The following TTN variants were observed in gnomAD, a reference collection of about 807,000 sequenced individuals.
The protein encoded by TTN is connectin.
In TTN, 1,525 loss-of-function variants were observed where a neutral mutation model predicts 3,223.0. That is an observed-to-expected ratio of 0.47 (90% CI 0.45 to 0.49). The LOEUF (loss-of-function observed/expected upper bound fraction) is 0.49. Ranked by LOEUF, TTN falls within the 20% of genes least tolerant of loss-of-function variation. The pLI is 0.00. For synonymous variants in TTN, 14,094 were observed against 15,161.0 expected (o/e 0.93, Z 5.17); for missense variants, 40,786 against 43,424.0 (o/e 0.94, Z 5.40).
intron 127 of TTN, among the ~76,000 whole-genome samples, chr2:178,687,278 G>C (rs976661669): frequency 3.3e-5 from 5 of 152,138 alleles, no homozygotes; most frequent in African/African-American, 1.2e-4. Flanking sequence ...ACTTTCTTAG[G>C]AAAGTTCTTT....
In TTN at chr2:178,629,351, T is replaced by A. The variant is rs536313527; in HGVS notation, c.44374A>T (p.Ile14792Phe). Residue 14792 changes from isoleucine (I) to phenylalanine (F), a missense_variant, in exon 240 of 363, where the codon ATC (isoleucine) becomes TTC (phenylalanine). By Grantham distance (21) the Ile-to-Phe change is conservative. Transcript: ENST00000589042. ...TFDCELSYED[I>F]PVEWYLKGKK... ...CCTTTGAGATACCATTCCACTGGGA[T>A]ATCTTCGTAGGAGAGCTCGCAGTCG... is the stretch of plus-strand genomic sequence containing the variant. 2 of 1,612,944 alleles carry A rather than the reference T, an allele frequency of 1.2e-6. No individual in the cohort carries two copies. The highest frequency in any genetic ancestry group is 4.5e-5 in the East Asian group (2 of 44,622).
Position 178,620,800 on chromosome 2 carries a change from G to A in TTN, c.45810C>T (p.His15270=). The A allele has an allele frequency of 1.9e-6, 3 of 1,612,762 alleles. No individual in the cohort carries two copies. Among genetic ancestry groups the A allele is most frequent in the Non-Finnish European group, 2.5e-6 (3 of 1,179,150 alleles). The change falls in exon 247 of 363, where the codon CAC becomes CAT. Residue 15270 remains histidine (H), a synonymous_variant. Coordinates refer to ENST00000589042, the MANE Select transcript of TTN (RefSeq NM_001267550.2). The stretch of plus-strand genomic sequence containing the variant: ...CATTATAGTTGGCTTGGTCATCTAA[G>A]TGTGCATCTCTAATTCTGAGGGTGT... ...LVYTLRIRDA[H]LDDQANYNVS...
rs750316973 is a variant in TTN, at chr2:178,732,197, C to A, written c.16772G>T (p.Arg5591Ile). 9.3e-6 allele frequency: 15 copies of A among 1,613,846 alleles called. No homozygotes were observed. Among genetic ancestry groups the A allele is most frequent in the East Asian group, 8.9e-5 (4 of 44,858 alleles). ...TGCAGTAGACTCCACAAAAGACATT[C>A]TGTGTTTGCTGCTCTCCTTAATTTC... ...DREIKESSKH[R>I]MSFVESTAVL... The change falls in exon 57 of 363, where the codon AGA becomes ATA. Residue 5591 changes from arginine to isoleucine, a missense_variant. Arg to Ile is a moderately conservative substitution (Grantham distance 97). Coordinates refer to ENST00000589042, the MANE Select transcript of TTN (RefSeq NM_001267550.2).
rs373723384 is a variant in TTN at position 178,718,414 on chromosome 2, A to G, written c.24692T>C (p.Leu8231Pro). The stretch of plus-strand genomic sequence containing the variant: ...TGCATAATCCTCTATTGTGCTCTCA[A>G]GAATTTCCAGTATGGTAGATTTTTC... ...MTEKSTILEI[L>P]ESTIEDYAQY... Residue 8231 changes from leucine (L) to proline (P), a missense_variant, in exon 85 of 363, where the codon CTT (leucine) becomes CCT (proline). Leu to Pro is a moderately conservative substitution (Grantham distance 98). Coordinates refer to ENST00000589042, the MANE Select transcript of TTN (RefSeq NM_001267550.2). The G allele has an allele frequency of 1.2e-6, 2 of 1,613,812 alleles. No homozygotes were observed. The highest frequency in any genetic ancestry group is 2.7e-5 in the African/African-American group (2 of 75,042).
At chr2:178,806,017 C>T (rs2094302047) in intron 1 of TTN, among the ~76,000 whole-genome samples, 1 of 152,136 alleles carries the variant, frequency 6.6e-6, no homozygotes, top group Non-Finnish European at 1.5e-5. Flanking sequence ...TTGTCAATCA[C>T]TTCATTACTA....
rs115308041 is a variant in TTN, at chr2:178,706,220, G to A, written c.29420+234C>T. ...ATGCTCAAGTCCCTGATGCAAAATG[G>A]CATAGTATTTGCATGTAACCTATGC... On this transcript the variant is annotated intron_variant, in intron 102 of 362. Transcript: ENST00000589042. Among the ~76,000 whole-genome samples, 608 of 152,302 alleles carry A rather than the reference G, an allele frequency of 4.0e-3. 3 individuals carry two copies. Among genetic ancestry groups the A allele is most frequent in the African/African-American group, 0.014 (576 of 41,576 alleles).
At position 178,576,360 on chromosome 2, in the gene TTN, A is replaced by G; in HGVS notation, c.69772T>C (p.Ser23258Pro). Residue 23258 changes from serine (S) to proline (P), a missense_variant, in exon 326 of 363, where the codon TCT becomes CCT. By Grantham distance (74) the Ser-to-Pro change is moderately conservative (BLOSUM62 -1). Coordinates refer to ENST00000589042, the MANE Select transcript of TTN (RefSeq NM_001267550.2). This position sits in a 1 kb window ranked among gnomAD's most constrained non-coding sequence, Gnocchi z 4.3. ...HVTDTTKKSA[S>P]LAWGKPHYDG... is the part of the protein sequence containing the mutation. ...TAATGAGGCTTGCCCCATGCCAAAG[A>G]AGCAGATTTCTTGGTAGTATCAGTG... is the stretch of plus-strand genomic sequence containing the variant. The G allele has an allele frequency of 1.3e-6, 2 of 1,557,798 alleles. No homozygotes were observed. Among genetic ancestry groups the G allele is most frequent in the South Asian group, 2.5e-5 (2 of 80,224 alleles).
At position 178,576,877 on chromosome 2, in the gene TTN, C is replaced by A; in HGVS notation, c.69412+46G>T. ...TTAGAAATCCATGATTTCCTAAACT[C>A]TGCTATAAATGTTTCCATGTCAATT... On this transcript the variant is annotated intron_variant, in intron 324 of 362. Coordinates refer to ENST00000589042, the MANE Select transcript of TTN (RefSeq NM_001267550.2). This position sits in a 1 kb window ranked among gnomAD's most constrained non-coding sequence, Gnocchi z 4.3. 6.2e-7 allele frequency: 1 copy of A among 1,604,076 alleles called. No homozygotes were observed. The highest frequency in any genetic ancestry group is 8.5e-7 in the Non-Finnish European group (1 of 1,177,220).
chr2:178,680,374 G>A, intron 138 of TTN, 43 bp from the exon 139 acceptor site: 1 of 1,523,376 alleles, frequency 6.6e-7, no homozygotes, highest in African/African-American at 1.4e-5. Flanking sequence ...TCAGTAAAAG[G>A]CCACCCAGCC....
At chr2:178,745,457 G>C in intron 47 of TTN, 1 of 1,493,384 alleles carries the variant, frequency 6.7e-7, no homozygotes, top group East Asian at 2.5e-5. Context: ...ATTTCTTTAG[G>C]GGTCTCCAAG....
In TTN at chr2:178,681,791, A is replaced by T. The variant is rs1560338939; in HGVS notation, c.33095-53T>A. On this transcript the variant is annotated intron_variant, in intron 135 of 362. Coordinates refer to ENST00000589042, the MANE Select transcript of TTN (RefSeq NM_001267550.2). ...TGTTAGACTTAGAATATAAGTTTAAACATTTCTTAAAAGGAATCAAATAAT... is the reference window on the plus strand; with the variant it reads ...TGTTAGACTTAGAATATAAGTTTAATCATTTCTTAAAAGGAATCAAATAAT... 1.3e-5 allele frequency: 19 copies of T among 1,421,866 alleles called. No homozygotes were observed. The South Asian group carries it at 1.6e-4, about 12-fold the overall frequency. The allele number at this position is 1,421,866 out of a possible 1,614,324, so 88.1% of individuals were successfully genotyped here.
At position 178,548,395 on chromosome 2, in the gene TTN, G is replaced by C; in HGVS notation, c.93231C>G (p.Val31077=). 6.2e-7 allele frequency: 1 copy of C among 1,613,836 alleles called. No homozygotes were observed. The highest frequency in any genetic ancestry group is 8.5e-7 in the Non-Finnish European group (1 of 1,179,808). ...ACGGAACACCTTCGGCCAGGTCATT[G>C]ACCTTGAAGATCTGACGAGTGCATT... ...SEKCTRQIFK[V]NDLAEGVPYY... The change falls in exon 339 of 363, where the codon GTC becomes GTG. Residue 31077 remains valine, a synonymous_variant. Coordinates refer to ENST00000589042, the MANE Select transcript of TTN (RefSeq NM_001267550.2). The surrounding 1 kb of genome is among the most constrained non-coding windows in gnomAD (Gnocchi z 4.3).
chr2:178,773,345 C>T lies in TTN; in HGVS notation c.7619G>A (p.Arg2540His), dbSNP rs397517725. ...VEKIKIIRGL[R>H]DLTCTETQNV... ...TTGAGTTTCTGTACAGGTAAGGTCA[C>T]GAAGACCTCTGATAATTTTAATTTC... The change falls in exon 33 of 363, where the codon CGT (arginine) becomes CAT (histidine). Residue 2540 changes from arginine to histidine, a missense_variant. Transcript: ENST00000589042. The T allele has an allele frequency of 1.2e-4, 197 of 1,613,726 alleles. 1 individual carries two copies. In the East Asian group the frequency reaches 3.1e-3, roughly 26 times the overall value.
intron 138 of TTN, 130 bp from the exon 139 acceptor site, chr2:178,680,461 C>T (rs2069119136): frequency 1.3e-6 from 1 of 761,868 alleles, no homozygotes; most frequent in Non-Finnish European, 2.2e-6. Context: ...GATTGTTCAT[C>T]TTTAAGAAAC....
rs998581111 is a variant in TTN at position 178,594,158 on chromosome 2, C to T, written c.58235G>A (p.Gly19412Asp). 5 of 1,613,322 alleles carry T rather than the reference C, an allele frequency of 3.1e-6. No homozygotes were observed. In the East Asian group the frequency reaches 1.1e-4, roughly 36 times the overall value. Residue 19412 changes from glycine (G) to aspartate (D), a missense_variant, in exon 297 of 363, where the codon GGC becomes GAC. Physicochemically the swap from Gly to Asp is moderately conservative, Grantham distance 94. Coordinates refer to ENST00000589042, the MANE Select transcript of TTN (RefSeq NM_001267550.2). ...CCAGGAAACCTTAGGCTTTGGTTTG[C>T]CTGAGTAACGGCCAGTGAGGGCAAA... is the stretch of plus-strand genomic sequence containing the variant. ...EAFALTGRYSGKPKPKVSWFK... is the reference protein window; with the variant it reads ...EAFALTGRYSDKPKPKVSWFK...
chr2:178,799,311 C>T (rs2093930393), intron 6 of TTN, 176 bp downstream of exon 6: 11 of 946,664 alleles, frequency 1.2e-5, no homozygotes, highest in Admixed American at 2.3e-5. Context: ...CAGAGGAACA[C>T]GGAGCCCCAC....
Position 178,732,943 on chromosome 2 carries a change from T to C in TTN, c.16233A>G (p.Thr5411=). Residue 5411 remains threonine, a synonymous_variant, in exon 55 of 363, where the codon ACA becomes ACG. Transcript: ENST00000589042. ...DRYRIAFVEG[T]ASLEIIRVDM... Reference sequence around the variant, plus strand: ...CTACTCTGATGATCTCCAAAGAGGCTGTGCCTTCCACAAATGCTATCCTGT... The same window carrying C: ...CTACTCTGATGATCTCCAAAGAGGCCGTGCCTTCCACAAATGCTATCCTGT... 1.9e-6 allele frequency: 3 copies of C among 1,613,606 alleles called. No individual in the cohort carries two copies. Among genetic ancestry groups the C allele is most frequent in the Non-Finnish European group, 2.5e-6 (3 of 1,179,746 alleles).
At position 178,785,928 on chromosome 2, in the gene TTN, C is replaced by T. The variant is rs2093143738; in HGVS notation, c.2290G>A (p.Val764Ile). 3.1e-6 allele frequency: 5 copies of T among 1,614,106 alleles called. No individual in the cohort carries two copies. The highest frequency in any genetic ancestry group is 4.2e-6 in the Non-Finnish European group (5 of 1,180,004). ...ASEPHVVPKA[V>I]KPRVIQAPSE... is the part of the protein sequence containing the mutation. ...GGAGCCTGGATTACTCTAGGCTTGA[C>T]TGCTTTAGGGACAACGTGGGGTTCT... Residue 764 changes from valine (V) to isoleucine (I), a missense_variant, in exon 14 of 363, where the codon GTC becomes ATC. By Grantham distance (29) the Val-to-Ile change is conservative (BLOSUM62 3). Coordinates refer to ENST00000589042, the MANE Select transcript of TTN (RefSeq NM_001267550.2).
chr2:178,738,957 C>A (rs911069648), intron 48 of TTN, among the ~76,000 whole-genome samples, 184 bp downstream of exon 48: 3 of 152,058 alleles, frequency 2.0e-5, no homozygotes, highest in Non-Finnish European at 2.9e-5. Flanking sequence ...GATAGCATAG[C>A]ACCCAACAGG....
Sources: allele counts gnomAD v4.1 joint callset (sites outside exome capture counted in the v4.1 genomes callset), GRCh38; gene constraint gnomAD v4.1.1; non-coding constraint Gnocchi (gnomAD v3.1); transcripts MANE v1.5; gene names NCBI Gene and HGNC (gene_info 2026-07-23, HGNC 2026-07-21).